The following IQUB variants were observed in gnomAD, a reference collection of about 807,000 sequenced individuals.
IQUB encodes IQ motif and ubiquitin domain containing.
A neutral mutation model predicts 86.4 loss-of-function variants in IQUB; 86 were observed. The ratio of observed to expected loss-of-function variants is 1.00; its 90% CI spans 0.84 to 1.19. IQUB has a LOEUF of 1.19. Ranked by LOEUF, IQUB falls within the 50% of genes most tolerant of loss-of-function variation. IQUB has a pLI of 0.00. For synonymous variants in IQUB, 289 were observed against 304.5 expected, an observed-to-expected ratio of 0.95 and a Z score of 0.53; for missense variants, 946 against 916.9, an observed-to-expected ratio of 1.03 and a Z score of -0.41.
At chr7:123,467,159 T>C (rs1794301304) in intron 9 of IQUB, among the ~76,000 whole-genome samples, 1 of 151,932 alleles carries the variant, frequency 6.6e-6, no homozygotes, top group South Asian at 2.1e-4. Context: ...CTGACCATAA[T>C]GTAAGCTCAA....
intron 1 of IQUB, among the ~76,000 whole-genome samples, chr7:123,530,131 T>C (rs1271490509): frequency 6.6e-6 from 1 of 152,198 alleles, no homozygotes; most frequent in East Asian, 1.9e-4. Context: ...CACTTGAACC[T>C]GGAAGGCAGA....
intron 3 of IQUB, among the ~76,000 whole-genome samples, chr7:123,508,176 G>A (rs1049002645): frequency 2.2e-4 from 34 of 152,150 alleles, no homozygotes; most frequent in African/African-American, 7.2e-4. Context: ...CTTTTAAAAC[G>A]GAGGAAGGGC....
intron 7 of IQUB, among the ~76,000 whole-genome samples, chr7:123,488,349 GAAA>G (rs536092384): frequency 1.0e-5 from 1 of 98,000 alleles, no homozygotes; most frequent in African/African-American, 4.1e-5. Flanking sequence ...TCAAAAAAAA[GAAA>G]AAAAAAAAAA....
chr7:123,497,794 C>A (rs1384606833), intron 6 of IQUB, among the ~76,000 whole-genome samples: 1 of 149,622 alleles, frequency 6.7e-6, no homozygotes, highest in African/African-American at 2.5e-5. Flanking sequence ...AGAATAGAAA[C>A]TTTGAAGAAT....
At chr7:123,524,920 A>T (rs1183276354) in intron 1 of IQUB, among the ~76,000 whole-genome samples, 6 of 150,220 alleles carry the variant, frequency 4.0e-5, no homozygotes, top group South Asian at 2.1e-4. Context: ...AGTGTTGTTG[A>T]ATTTTGTCAA....
At chr7:123,484,059 C>G (rs1665645290) in intron 7 of IQUB, among the ~76,000 whole-genome samples, 2 of 151,982 alleles carry the variant, frequency 1.3e-5, no homozygotes, top group South Asian at 4.1e-4. Context: ...TTTCTCTTCT[C>G]AAATTTCAAT....
chr7:123,490,374 A>T (rs1795404551), intron 7 of IQUB, among the ~76,000 whole-genome samples: 1 of 152,200 alleles, frequency 6.6e-6, no homozygotes, highest in Non-Finnish European at 1.5e-5. Context: ...ACATCTAATA[A>T]GAAAGTTTCA....
At chr7:123,490,987 ACCT>A (rs1439887418) in intron 7 of IQUB, among the ~76,000 whole-genome samples, 15 of 151,762 alleles carry the variant, frequency 9.9e-5, no homozygotes, top group Admixed American at 2.6e-4. Flanking sequence ...AAACAAACAA[ACCT>A]CAAACCTCAA....
chr7:123,525,143 G>A (rs1449505556), intron 1 of IQUB, among the ~76,000 whole-genome samples: 7 of 152,156 alleles, frequency 4.6e-5, no homozygotes, highest in South Asian at 4.1e-4. Flanking sequence ...GTTCATCAAG[G>A]ATATTGGTCT....
chr7:123,526,679 G>A (rs1797229744), intron 1 of IQUB, among the ~76,000 whole-genome samples: 1 of 150,964 alleles, frequency 6.6e-6, no homozygotes, highest in Non-Finnish European at 1.5e-5. Flanking sequence ...CTTTTAATTG[G>A]AGCATTTAGT....
At chr7:123,463,601 A>C (rs980351839) in intron 10 of IQUB, among the ~76,000 whole-genome samples, 2 of 151,744 alleles carry the variant, frequency 1.3e-5, no homozygotes, top group African/African-American at 4.8e-5. Context: ...AATAAAACAC[A>C]TATCAGTGTT....
rs1795722170 is a variant in IQUB, at chr7:123,496,724, A to C, written c.1206T>G (p.Asp402Glu). 1.9e-6 allele frequency: 3 copies of C among 1,605,500 alleles called. No homozygotes were observed. In the South Asian group the frequency reaches 3.3e-5, roughly 18 times the overall value. ...HRRHNPKTNE[D>E]FEFLYNALEF... ...CTAATGCATTATAAAGAAATTCAAAATCTTCATTTGTTTTAGGATTATGCC... is the reference window on the plus strand; with the variant it reads ...CTAATGCATTATAAAGAAATTCAAACTCTTCATTTGTTTTAGGATTATGCC... The change falls in exon 7 of 13, where the codon GAT becomes GAG. Residue 402 changes from aspartate to glutamate, a missense_variant. Transcript: ENST00000324698.
chr7:123,476,964 C>T (rs974338215), intron 8 of IQUB, among the ~76,000 whole-genome samples: 1 of 152,148 alleles, frequency 6.6e-6, no homozygotes, highest in Non-Finnish European at 1.5e-5. Context: ...AAGAACATGC[C>T]ATGCTCATGG....
At chr7:123,491,058 A>G (rs1795439539) in intron 7 of IQUB, among the ~76,000 whole-genome samples, 1 of 152,156 alleles carries the variant, frequency 6.6e-6, no homozygotes, top group Admixed American at 6.5e-5. Context: ...AATCAATAAC[A>G]GAAAGATATC....
chr7:123,465,062 AC>A, intron 9 of IQUB, 53 bp from the exon 10 acceptor site: 1 of 1,211,254 alleles, frequency 8.3e-7, no homozygotes, highest in Non-Finnish European at 1.2e-6. Context: ...CACTAAGTTC[AC>A]TTTCAAATTG....
intron 12 of IQUB, among the ~76,000 whole-genome samples, chr7:123,456,079 A>T (rs947033261): frequency 1.3e-5 from 2 of 152,130 alleles, no homozygotes; most frequent in Non-Finnish European, 2.9e-5. Context: ...TAGTTAAAAG[A>T]TTGTATCAGC....
rs748638543 is a variant in IQUB, at chr7:123,464,874, T to C, written c.1717A>G (p.Lys573Glu). The C allele has an allele frequency of 3.7e-6, 6 of 1,604,004 alleles. No homozygotes were observed. Among genetic ancestry groups the C allele is most frequent in the Non-Finnish European group, 5.1e-6 (6 of 1,176,396 alleles). ...ACTTCAGGATTAAACAGAGGTGTTT[T>C]GATATAATGAAAAAAGAGTGTCGCA... is the stretch of plus-strand genomic sequence containing the variant. ...RIATLFFHYI[K>E]TPLFNPEVAK... Residue 573 changes from lysine to glutamate, a missense_variant, in exon 10 of 13, where the codon AAA becomes GAA. Lys to Glu is a moderately conservative substitution (Grantham distance 56). Transcript: ENST00000324698.
intron 1 of IQUB, among the ~76,000 whole-genome samples, chr7:123,522,978 T>C (rs1489862271): frequency 2.0e-5 from 3 of 149,842 alleles, no homozygotes; most frequent in Non-Finnish European, 4.4e-5. Context: ...CTTGCGATAG[T>C]TTACTGAGAA....
At chr7:123,496,006 G>A (rs1028149095) in intron 7 of IQUB, among the ~76,000 whole-genome samples, 2 of 152,030 alleles carry the variant, frequency 1.3e-5, no homozygotes, top group African/African-American at 4.8e-5. Flanking sequence ...ACCATAAGAT[G>A]ACAAAAGAAT....
Sources: allele counts gnomAD v4.1 joint callset (sites outside exome capture counted in the v4.1 genomes callset), GRCh38; gene constraint gnomAD v4.1.1; transcripts MANE v1.5; gene names NCBI Gene and HGNC (gene_info 2026-07-23, HGNC 2026-07-21).